Variants in NKAIN3 observed in about 807,000 individuals in gnomAD.
NKAIN3 encodes the protein sodium/potassium transporting ATPase interacting 3.
Under a neutral mutation model 30.2 loss-of-function variants are expected in NKAIN3, and 25 were observed. The observed-to-expected ratio is 0.83, with a 90% CI of 0.60 to 1.16. NKAIN3 has a LOEUF of 1.16. Ranked by LOEUF, NKAIN3 falls within the 50% of genes most tolerant of loss-of-function variation. The probability of loss-of-function intolerance (pLI) is 0.00; values close to 1 mark genes in which losing one functional copy is unlikely to be tolerated. For synonymous variants in NKAIN3, 91 were observed against 89.6 expected, an observed-to-expected ratio of 1.02 and a Z score of -0.09; for missense variants, 225 against 254.1, an observed-to-expected ratio of 0.89 and a Z score of 0.78.
chr8:62,581,372 G>A (rs891574307), intron 2 of NKAIN3, among the ~76,000 whole-genome samples: 14 of 152,038 alleles, frequency 9.2e-5, no homozygotes, highest in African/African-American at 1.9e-4. Flanking sequence ...ATTCTGCTGC[G>A]AAACAAAATA....
chr8:62,940,098 C>G (rs367725313), intron 5 of NKAIN3, among the ~76,000 whole-genome samples: 1 of 150,782 alleles, frequency 6.6e-6, no homozygotes, highest in East Asian at 1.9e-4. Context: ...CAAAAGAGAG[C>G]TGGAGTAGCT....
chr8:62,658,843 C>T (rs1348238484), intron 3 of NKAIN3, among the ~76,000 whole-genome samples: 2 of 151,940 alleles, frequency 1.3e-5, no homozygotes, highest in Non-Finnish European at 2.9e-5. Flanking sequence ...TGTCCTACTT[C>T]GCTATGGACA....
chr8:62,326,035 A>G (rs1397150024), intron 1 of NKAIN3, among the ~76,000 whole-genome samples: 1 of 151,662 alleles, frequency 6.6e-6, no homozygotes, highest in African/African-American at 2.4e-5. Flanking sequence ...CCCATTTATT[A>G]GTTTTATTAA....
intron 6 of NKAIN3, among the ~76,000 whole-genome samples, chr8:62,955,831 C>T (rs190838258): frequency 8.8e-4 from 134 of 152,342 alleles, no homozygotes; most frequent in African/African-American, 3.2e-3. Flanking sequence ...CTTTGATCAA[C>T]TCCACTGTCT....
chr8:62,550,171 G>A (rs1258157518), intron 1 of NKAIN3, among the ~76,000 whole-genome samples: 8 of 151,956 alleles, frequency 5.3e-5, no homozygotes, highest in African/African-American at 1.9e-4. Flanking sequence ...TTTGCTATTT[G>A]CCATCAAACT....
chr8:62,488,212 C>T lies in NKAIN3; in HGVS notation c.55-91327C>T, dbSNP rs188598600. 6.8e-4 allele frequency among the ~76,000 whole-genome samples: 104 copies of T among 152,248 alleles called. No homozygotes were observed. In the Middle Eastern group the frequency reaches 0.017, roughly 25 times the overall value. ...TATTCCAAAGACACCACCTCCTTCC[C>T]TGATTTTGCTGGTTCACCCACAGAG... On this transcript the variant is annotated intron_variant, in intron 1 of 6. Transcript: ENST00000623646.
intron 2 of NKAIN3, among the ~76,000 whole-genome samples, chr8:62,584,961 T>G (rs140731933): frequency 2.8e-4 from 42 of 152,344 alleles, no homozygotes; most frequent in African/African-American, 9.6e-4. Flanking sequence ...AATTCCTGTA[T>G]GTACAGACCA....
chr8:62,857,011 T>C, intron 4 of NKAIN3: 1 of 521,942 alleles, frequency 1.9e-6, no homozygotes, highest in South Asian at 1.5e-5. Context: ...CTCCACTTGC[T>C]TCAAGGTTCT....
chr8:62,544,764 C>G (rs1808955307), intron 1 of NKAIN3, among the ~76,000 whole-genome samples: 1 of 151,998 alleles, frequency 6.6e-6, no homozygotes, highest in South Asian at 2.1e-4. Flanking sequence ...CCCCTTGCAG[C>G]TAAAAATTTG....
intron 4 of NKAIN3, among the ~76,000 whole-genome samples, chr8:62,815,816 T>C (rs1168098107): frequency 1.3e-5 from 2 of 151,898 alleles, no homozygotes; most frequent in Non-Finnish European, 2.9e-5. Flanking sequence ...TAGTCTATTG[T>C]GGAAGTTTTC....
intron 1 of NKAIN3, among the ~76,000 whole-genome samples, chr8:62,477,397 C>CA (rs1251391462): frequency 6.6e-6 from 1 of 152,056 alleles, no homozygotes. Flanking sequence ...GTAGGCTTTC[C>CA]CTGTGTGAGC....
At chr8:62,783,586 G>T (rs1022240890) in intron 4 of NKAIN3, among the ~76,000 whole-genome samples, 2 of 148,090 alleles carry the variant, frequency 1.4e-5, no homozygotes, top group Admixed American at 6.9e-5. Context: ...CCACTTAACA[G>T]CAGAAACAGC....
chr8:62,420,579 T>C (rs1347540028), intron 1 of NKAIN3, among the ~76,000 whole-genome samples: 1 of 152,136 alleles, frequency 6.6e-6, no homozygotes, highest in Non-Finnish European at 1.5e-5. Flanking sequence ...ATGGAGTTTA[T>C]GTAGCCTTTT....
Position 62,966,181 on chromosome 8 carries a change from G to A in NKAIN3, c.*774G>A, listed in dbSNP as rs777061355. ...CACTGCTGTCAGACCTAAACATACA[G>A]CTCATGGGCTTGTGGGACAGAAATC... On this transcript the variant is annotated 3_prime_UTR_variant, in exon 7 of 7. Coordinates refer to ENST00000623646, the MANE Select transcript of NKAIN3 (RefSeq NM_001304533.3). 96 of 985,100 alleles carry A rather than the reference G, an allele frequency of 9.7e-5. No homozygotes were observed. The Middle Eastern group carries it at 2.6e-3, about 27-fold the overall frequency. 61.0% of individuals were successfully genotyped at this position (985,100 alleles called of 1,614,324 possible). A position where few individuals can be genotyped will look rare whatever the true frequency, so the allele number is the denominator to read the frequency against.
chr8:62,373,521 T>C (rs1816973389), intron 1 of NKAIN3, among the ~76,000 whole-genome samples: 1 of 152,172 alleles, frequency 6.6e-6, no homozygotes, highest in South Asian at 2.1e-4. Context: ...ACTCTGCCAG[T>C]TTGGAAATTT....
chr8:62,733,265 T>C (rs1452739445), intron 3 of NKAIN3, among the ~76,000 whole-genome samples: 3 of 152,146 alleles, frequency 2.0e-5, no homozygotes. Context: ...TTAGGCATTA[T>C]TTTTGTCTCA....
rs1310460121 is a variant in NKAIN3, at chr8:62,971,746, A to G, written c.*6339A>G. On this transcript the variant is annotated 3_prime_UTR_variant, in exon 7 of 7. Coordinates refer to ENST00000623646, the MANE Select transcript of NKAIN3 (RefSeq NM_001304533.3). ...ACTAATTGACATGATTTCTTGGAAC[A>G]GTGTTTTCATTTGTAGTACTTTATA... Among the ~76,000 whole-genome samples, 1 of 152,204 alleles carries G rather than the reference A, an allele frequency of 6.6e-6. No individual in the cohort carries two copies. The highest frequency in any genetic ancestry group is 1.5e-5 in the Non-Finnish European group (1 of 68,046).
intron 5 of NKAIN3, among the ~76,000 whole-genome samples, chr8:62,933,624 T>C (rs1012156091): frequency 6.6e-6 from 1 of 152,194 alleles, no homozygotes; most frequent in African/African-American, 2.4e-5. Context: ...TATCCTATTA[T>C]TTAAATATCA....
chr8:62,849,223 T>G (rs1252259222), intron 4 of NKAIN3, among the ~76,000 whole-genome samples: 2 of 151,884 alleles, frequency 1.3e-5, no homozygotes, highest in African/African-American at 4.8e-5. Context: ...TTGGAATAGT[T>G]TCAGTCGGAG....
Sources: gnomAD v4.1 joint callset for allele counts (sites outside exome capture counted in the v4.1 genomes callset) on GRCh38, gnomAD v4.1.1 for gene constraint, MANE v1.5 for transcripts, NCBI Gene and HGNC (gene_info 2026-07-23, HGNC 2026-07-21) for gene names.